TMEM156: variants seen among roughly 807,000 people sequenced by gnomAD.
TMEM156 encodes transmembrane protein 156.
A neutral mutation model predicts 30.5 loss-of-function variants in TMEM156; 28 were observed. The observed-to-expected ratio is 0.92, with a 90% confidence interval of 0.68 to 1.26. The LOEUF is 1.26. Ranked by LOEUF, TMEM156 falls within the 50% of genes most tolerant of loss-of-function variation. The pLI is 0.00. For missense variants in TMEM156, 351 were observed against 340.6 expected (o/e 1.03, Z -0.24); for synonymous variants, 137 against 119.9 (o/e 1.14, Z -0.93).
rs1341035594 is a variant in TMEM156, at chr4:38,992,759, TA to T, written c.619+978del. On this transcript the variant is annotated intron_variant, in intron 3 of 6. Coordinates refer to ENST00000381938, the MANE Select transcript of TMEM156 (RefSeq NM_024943.3). ...TAATATATAATATATTATATATATA[TA>T]TATTTTTTTTTGTCTTTTCAAGACA... 1.0e-3 allele frequency among the ~76,000 whole-genome samples: 72 copies of T among 70,750 alleles called. 2 individuals are homozygous for T. The highest frequency in any genetic ancestry group is 2.0e-3 in the African/African-American group (38 of 18,702). The allele number at this position is 70,750 out of a possible 152,430, so 46.4% of individuals were successfully genotyped here. A position where few individuals can be genotyped will look rare whatever the true frequency, so the allele number is the denominator to read the frequency against.
At chr4:38,983,394 A>C (rs755164856) in intron 5 of TMEM156, among the ~76,000 whole-genome samples, 6 of 152,090 alleles carry the variant, frequency 3.9e-5, no homozygotes, top group Non-Finnish European at 5.9e-5. Context: ...TTCTAGGGGT[A>C]CGTTTTAAAG....
chr4:39,028,473 A>G (rs186678180), intron 1 of TMEM156: 2 of 152,360 alleles, frequency 1.3e-5, no homozygotes, highest in Admixed American at 6.5e-5. Flanking sequence ...TTTCCATTGC[A>G]TCTTGTTTAC....
At chr4:39,031,405 CATCT>C (rs985319464) in intron 1 of TMEM156, among the ~76,000 whole-genome samples, 2 of 152,184 alleles carry the variant, frequency 1.3e-5, no homozygotes, top group Admixed American at 6.5e-5. Context: ...CATACACATA[CATCT>C]GTTTAAATTT....
At chr4:39,027,966 A>T (rs1242119669) in intron 1 of TMEM156, among the ~76,000 whole-genome samples, 1 of 151,990 alleles carries the variant, frequency 6.6e-6, no homozygotes, top group African/African-American at 2.4e-5. Context: ...CATTTTGGCC[A>T]GGCCGGTCTT....
At chr4:38,994,581 A>G (rs2109960938) in intron 2 of TMEM156, among the ~76,000 whole-genome samples, 1 of 152,334 alleles carries the variant, frequency 6.6e-6, no homozygotes, top group Non-Finnish European at 1.5e-5. Context: ...GGTCACAACA[A>G]TATTTCCCAT....
At chr4:38,977,753 A>AT (rs1021266474) in intron 5 of TMEM156, among the ~76,000 whole-genome samples, 11 of 152,182 alleles carry the variant, frequency 7.2e-5, no homozygotes, top group African/African-American at 1.4e-4. Context: ...CCTTAAAAAA[A>AT]TTTTTTTAAA....
intron 5 of TMEM156, among the ~76,000 whole-genome samples, chr4:38,980,098 T>C (rs1157185692): frequency 6.7e-6 from 1 of 150,176 alleles, no homozygotes; most frequent in East Asian, 2.0e-4. Context: ...ACAATGATCC[T>C]AAAACTAGTC....
chr4:39,031,781 G>A (rs191150615), intron 1 of TMEM156, among the ~76,000 whole-genome samples: 113 of 151,362 alleles, frequency 7.5e-4, no homozygotes, highest in African/African-American at 2.6e-3. Context: ...CTACTCGGAG[G>A]CTGAGGCAGG....
chr4:39,014,892 G>A (rs1381652215), intron 1 of TMEM156, among the ~76,000 whole-genome samples: 3 of 151,712 alleles, frequency 2.0e-5, no homozygotes, highest in South Asian at 4.2e-4. Flanking sequence ...TTATCTGTTT[G>A]GTCTGTTTCT....
chr4:38,998,804 C>T lies in TMEM156; in HGVS notation c.194G>A (p.Arg65Lys). Residue 65 changes from arginine (R) to lysine (K), a missense_variant, in exon 2 of 7, where the codon AGG becomes AAG. By Grantham distance (26) the Arg-to-Lys change is conservative. Coordinates refer to ENST00000381938, the MANE Select transcript of TMEM156 (RefSeq NM_024943.3). ...FSFVTFLQPV[R>K]ETQIIMRIFL... ...GATTCTCATGATAATCTGAGTTTCC[C>T]TTACTGGTTGCAGAAAAGTCACAAA... 1.2e-6 allele frequency: 2 copies of T among 1,613,810 alleles called. No individual in the cohort carries two copies. The highest frequency in any genetic ancestry group is 1.7e-6 in the Non-Finnish European group (2 of 1,179,888).
chr4:39,032,141 A>C (rs897154048), intron 1 of TMEM156, 85 bp downstream of exon 1: 6 of 843,802 alleles, frequency 7.1e-6, no homozygotes, highest in African/African-American at 3.4e-5. Context: ...CATGTGTCCA[A>C]AAAGAGGATC....
At chr4:38,995,587 C>T (rs1712868014) in intron 2 of TMEM156, among the ~76,000 whole-genome samples, 2 of 152,132 alleles carry the variant, frequency 1.3e-5, no homozygotes, top group Non-Finnish European at 2.9e-5. Flanking sequence ...TGGTGGCGCA[C>T]GCCTATAATC....
chr4:39,007,548 G>A (rs1367994252), intron 1 of TMEM156, among the ~76,000 whole-genome samples: 15 of 152,068 alleles, frequency 9.9e-5, no homozygotes, highest in Admixed American at 3.9e-4. Flanking sequence ...TCTGCCTCCC[G>A]AGTTCAAACG....
At position 39,012,948 on chromosome 4, in the gene TMEM156, A is replaced by G. The variant is rs533774775; in HGVS notation, c.89-14039T>C. On this transcript the variant is annotated intron_variant, in intron 1 of 6. Coordinates refer to ENST00000381938, the MANE Select transcript of TMEM156 (RefSeq NM_024943.3). ...GATTGAGACTGTGTCTCAGAAAAAA[A>G]AAAAGGAAAGAAAAAAAGAAAGAAG... is the stretch of plus-strand genomic sequence containing the variant. 1.5e-4 allele frequency among the ~76,000 whole-genome samples: 23 copies of G among 152,076 alleles called. No individual in the cohort carries two copies. The East Asian group carries it at 4.4e-3, about 29-fold the overall frequency.
At chr4:39,004,097 G>A (rs1036503447) in intron 1 of TMEM156, among the ~76,000 whole-genome samples, 7 of 152,032 alleles carry the variant, frequency 4.6e-5, no homozygotes, top group Non-Finnish European at 1.0e-4. Context: ...TTGCTATCAG[G>A]TGGACTATAT....
chr4:38,999,193 T>G (rs1025919668), intron 1 of TMEM156, among the ~76,000 whole-genome samples: 6 of 150,900 alleles, frequency 4.0e-5, no homozygotes, highest in African/African-American at 1.5e-4. Context: ...CATAGCTTAC[T>G]GCAGCCTTGG....
At chr4:38,991,375 C>T (rs1366459026) in intron 3 of TMEM156, among the ~76,000 whole-genome samples, 2 of 151,614 alleles carry the variant, frequency 1.3e-5, no homozygotes, top group African/African-American at 4.9e-5. Flanking sequence ...AGGTGTGCAC[C>T]ACACCTAGCT....
chr4:39,030,851 T>C (rs989122047), intron 1 of TMEM156, among the ~76,000 whole-genome samples: 1 of 152,236 alleles, frequency 6.6e-6, no homozygotes, highest in East Asian at 1.9e-4. Flanking sequence ...AACTATTCTC[T>C]TTATAACACA....
rs1054192527 is a variant in TMEM156, at chr4:39,016,065, T to C, written c.88+16161A>G. Among the ~76,000 whole-genome samples the C allele has an allele frequency of 3.3e-5, 5 of 152,276 alleles. 1 individual carries two copies. The South Asian group carries it at 6.2e-4, about 19-fold the overall frequency. On this transcript the variant is annotated intron_variant, in intron 1 of 6. Coordinates refer to ENST00000381938, the MANE Select transcript of TMEM156 (RefSeq NM_024943.3). The stretch of plus-strand genomic sequence containing the variant: ...ATGAATCTTTCCAGTGGTTTATCCA[T>C]ACAAATAGTCCTTTAAAATAACCAG...
Sources: gnomAD v4.1 joint callset for allele counts (sites outside exome capture counted in the v4.1 genomes callset) on GRCh38, gnomAD v4.1.1 for gene constraint, MANE v1.5 for transcripts, NCBI Gene and HGNC (gene_info 2026-07-23, HGNC 2026-07-21) for gene names.